The following AP3S2 variants were observed in gnomAD, a reference collection of about 807,000 sequenced individuals.
AP3S2 encodes AP-3 complex subunit sigma-2.
A neutral mutation model predicts 23.4 loss-of-function variants in AP3S2; 22 were observed. That is an observed-to-expected ratio of 0.94 (90% CI 0.67 to 1.34). The LOEUF is 1.34. Among genes scored for constraint, AP3S2 ranks in the 40% most tolerant of loss-of-function variants. The pLI is 0.00. For synonymous variants in AP3S2, 86 were observed against 87.1 expected, an observed-to-expected ratio of 0.99 and a Z score of 0.07; for missense variants, 241 against 236.9, an observed-to-expected ratio of 1.02 and a Z score of -0.11.
chr15:89,857,739 C>T (rs1216648897), intron 4 of AP3S2, among the ~76,000 whole-genome samples: 2 of 152,186 alleles, frequency 1.3e-5, no homozygotes, highest in Non-Finnish European at 2.9e-5. Context: ...CAAACATTAA[C>T]TTTTCCTCTA....
chr15:89,849,107 T>C (rs971430165), intron 4 of AP3S2: 6 of 152,164 alleles, frequency 3.9e-5, no homozygotes, highest in Admixed American at 2.0e-4. Context: ...TCTATGTAGG[T>C]GTAACTACAG....
chr15:89,887,988 A>G (rs1042123445), intron 3 of AP3S2, among the ~76,000 whole-genome samples: 1 of 152,246 alleles, frequency 6.6e-6, no homozygotes, highest in Non-Finnish European at 1.5e-5. Context: ...AGAAAATTCT[A>G]TAGCTGTAAA....
rs1370261529 is a variant in AP3S2 at position 89,854,021 on chromosome 15, G to T, written c.346-16299C>A. ...CCACCCCGTCCGGGAGGGACGTGGG[G>T]GGGGGGTCAGCCCCCCGCCCGGCCA... On this transcript the variant is annotated intron_variant, in intron 4 of 5. Coordinates refer to ENST00000336418, the MANE Select transcript of AP3S2 (RefSeq NM_005829.5). 3.6e-5 allele frequency among the ~76,000 whole-genome samples: 2 copies of T among 55,080 alleles called. 1 individual carries two copies. Among genetic ancestry groups the T allele is most frequent in the East Asian group, 1.5e-3 (2 of 1,312 alleles). 36.1% of individuals were successfully genotyped at this position (55,080 alleles called of 152,430 possible).
chr15:89,874,028 G>A (rs758867489), intron 3 of AP3S2, among the ~76,000 whole-genome samples: 1 of 151,238 alleles, frequency 6.6e-6, no homozygotes, highest in African/African-American at 2.4e-5. Flanking sequence ...CTACAGGTAT[G>A]TGCCACCATG....
intron 4 of AP3S2, among the ~76,000 whole-genome samples, chr15:89,856,399 C>G (rs1356068826): frequency 1.3e-5 from 2 of 151,648 alleles, no homozygotes; most frequent in East Asian, 3.9e-4. Context: ...CCTGTCTCTA[C>G]TAAAAAATAC....
chr15:89,854,161 G>T (rs1895742621), intron 4 of AP3S2, among the ~76,000 whole-genome samples: 1 of 36,518 alleles, frequency 2.7e-5, no homozygotes, highest in Non-Finnish European at 5.6e-5. Context: ...CCGTCCGGGA[G>T]GGAGGTGGGG....
intron 1 of AP3S2, among the ~76,000 whole-genome samples, chr15:89,890,370 T>G (rs1264974332): frequency 1.3e-5 from 2 of 152,192 alleles, no homozygotes; most frequent in African/African-American, 4.8e-5. Flanking sequence ...ACTTACTACG[T>G]GCATAAGAAA....
intron 4 of AP3S2, among the ~76,000 whole-genome samples, chr15:89,870,707 T>C (rs1896298652): frequency 6.6e-6 from 1 of 152,062 alleles, no homozygotes; most frequent in Non-Finnish European, 1.5e-5. Context: ...AGCAGCAGTC[T>C]CCTAAAAAAT....
At chr15:89,868,002 C>CT (rs1896188041) in intron 4 of AP3S2, among the ~76,000 whole-genome samples, 1 of 138,892 alleles carries the variant, frequency 7.2e-6, no homozygotes, top group Non-Finnish European at 1.6e-5. Context: ...GGGTCAGCCC[C>CT]CCGCCCGGCC....
At chr15:89,866,076 AT>A (rs935174745) in intron 4 of AP3S2, among the ~76,000 whole-genome samples, 43 of 152,150 alleles carry the variant, frequency 2.8e-4, no homozygotes, top group African/African-American at 7.2e-4. Context: ...AGCCTGACAG[AT>A]ATGATGAAAC....
chr15:89,883,690 C>T (rs1371740842), intron 3 of AP3S2, among the ~76,000 whole-genome samples: 4 of 152,148 alleles, frequency 2.6e-5, no homozygotes, highest in African/African-American at 7.2e-5. Context: ...AAACACCCAA[C>T]AAGAGCATTC....
intron 4 of AP3S2, among the ~76,000 whole-genome samples, chr15:89,862,076 G>A (rs1451393763): frequency 6.6e-6 from 1 of 152,172 alleles, no homozygotes; most frequent in Non-Finnish European, 1.5e-5. Context: ...ATTGTGGAGA[G>A]CCTTGAATGT....
At chr15:89,849,830 C>A (rs747241109) in intron 4 of AP3S2, among the ~76,000 whole-genome samples, 4 of 91,324 alleles carry the variant, frequency 4.4e-5, no homozygotes, top group Non-Finnish European at 1.2e-4. Context: ...CTTCTCCTAG[C>A]CCCCTACCCC....
rs1372848772 is a variant in AP3S2 at position 89,882,546 on chromosome 15, G to A, written c.273+5975C>T. ...AATTTTTTGTATTTTTAGTAGAGAC[G>A]GGGTTTCTCCATGTTGGCTAGGCTG... On this transcript the variant is annotated intron_variant, in intron 3 of 5. Transcript: ENST00000336418. Among the ~76,000 whole-genome samples the A allele has an allele frequency of 7.2e-5, 11 of 151,736 alleles. No individual in the cohort carries two copies. The South Asian group carries it at 1.9e-3, about 26-fold the overall frequency.
intron 3 of AP3S2, chr15:89,877,038 C>A (rs1165857588): frequency 1.5e-5 from 4 of 271,488 alleles, no homozygotes; most frequent in African/African-American, 9.1e-5. Flanking sequence ...TGGGCAAACT[C>A]CCCGTCTGCT....
chr15:89,878,344 C>T, intron 3 of AP3S2: 4 of 610,714 alleles, frequency 6.5e-6, no homozygotes, highest in South Asian at 3.8e-5. Context: ...AAAATATTTG[C>T]AATAAATATA....
In AP3S2 at chr15:89,888,223, T is replaced by C. The variant is rs559584777; in HGVS notation, c.273+298A>G. Reference sequence around the variant, plus strand: ...GTTCCCAAGCTAGGGTCCCTACACATCTCAGTTTTCATGAAGGTAATAAAG... The same window carrying C: ...GTTCCCAAGCTAGGGTCCCTACACACCTCAGTTTTCATGAAGGTAATAAAG... On this transcript the variant is annotated intron_variant, in intron 3 of 5. Coordinates refer to ENST00000336418, the MANE Select transcript of AP3S2 (RefSeq NM_005829.5). Among the ~76,000 whole-genome samples the C allele has an allele frequency of 2.0e-3, 306 of 152,314 alleles. 2 individuals are homozygous for C. The highest frequency in any genetic ancestry group is 7.0e-3 in the African/African-American group (292 of 41,576).
chr15:89,838,902 T>C (rs1293748941), intron 4 of AP3S2, among the ~76,000 whole-genome samples: 1 of 152,068 alleles, frequency 6.6e-6, no homozygotes, highest in Non-Finnish European at 1.5e-5. Context: ...ATGGCAACTT[T>C]CTTTATGCAG....
chr15:89,855,758 G>A (rs561663739), intron 4 of AP3S2, among the ~76,000 whole-genome samples: 109 of 144,604 alleles, frequency 7.5e-4, no homozygotes, highest in Non-Finnish European at 1.2e-3. Flanking sequence ...GCTGAGGCAG[G>A]AGAATTGCTT....
Sources: gnomAD v4.1 joint callset for allele counts (sites outside exome capture counted in the v4.1 genomes callset) on GRCh38, gnomAD v4.1.1 for gene constraint, MANE v1.5 for transcripts, NCBI Gene and HGNC (gene_info 2026-07-23, HGNC 2026-07-21) for gene names.